Variants in DIAPH2 observed in about 807,000 individuals in gnomAD.
DIAPH2 encodes protein diaphanous homolog 2.
In DIAPH2, 35 loss-of-function variants were observed where a neutral mutation model predicts 92.7. The observed-to-expected ratio is 0.38, with a 90% CI of 0.29 to 0.50. The LOEUF is 0.50. Among genes scored for constraint, DIAPH2 ranks in the 20% least tolerant of loss-of-function variants. The probability of loss-of-function intolerance (pLI) is 0.94; values close to 1 mark genes in which losing one functional copy is unlikely to be tolerated. For missense variants in DIAPH2, 701 were observed against 819.5 expected (o/e 0.86, Z 1.77); for synonymous variants, 301 against 280.4 (o/e 1.07, Z -0.73).
chrX:97,275,566 C>T (rs1462851141), intron 23 of DIAPH2, among the ~76,000 whole-genome samples: 16 of 99,290 alleles, frequency 1.6e-4, no homozygotes, highest in East Asian at 3.6e-4. Flanking sequence ...TCAGACGGGG[C>T]GGCTGCCGGG....
chrX:97,252,635 C>G (rs771690706), intron 23 of DIAPH2, among the ~76,000 whole-genome samples: 13 of 111,783 alleles, frequency 1.2e-4, no homozygotes, highest in Admixed American at 3.8e-4. Flanking sequence ...AGATGATAAT[C>G]CACACTTTGT....
At chrX:97,447,429 T>G (rs1257050092) in intron 26 of DIAPH2, among the ~76,000 whole-genome samples, 1 of 111,831 alleles carries the variant, frequency 8.9e-6, no homozygotes, top group Non-Finnish European at 1.9e-5. Context: ...TTTTTCTCAA[T>G]GATGTGAATG....
chrX:97,587,088 C>T (rs1029107772), intron 26 of DIAPH2, among the ~76,000 whole-genome samples: 2 of 112,090 alleles, frequency 1.8e-5, no homozygotes, highest in Non-Finnish European at 3.8e-5. Context: ...CTGTGCCAGG[C>T]ACATAGTCAA....
intron 25 of DIAPH2, among the ~76,000 whole-genome samples, chrX:97,409,815 G>A (rs926983866): frequency 8.9e-6 from 1 of 112,761 alleles, no homozygotes; most frequent in Non-Finnish European, 1.9e-5. Context: ...AGCCTGGCAG[G>A]GGGTGAGGTG....
In DIAPH2 at chrX:97,452,298, G is replaced by A. The variant is rs749660292; in HGVS notation, c.3241+22553G>A. On this transcript the variant is annotated intron_variant, in intron 26 of 26. Transcript: ENST00000324765. ...AGAGACAAATGTATTTTTAAGTCTT[G>A]TGATTAGAGGGGGCCACAGCCATCA... is the stretch of plus-strand genomic sequence containing the variant. Among the ~76,000 whole-genome samples, 7 of 111,546 alleles carry A rather than the reference G, an allele frequency of 6.3e-5. No homozygotes were observed. The East Asian group carries it at 2.0e-3, about 31-fold the overall frequency.
intron 23 of DIAPH2, among the ~76,000 whole-genome samples, chrX:97,288,254 C>A (rs1315464650): frequency 1.8e-5 from 2 of 111,256 alleles, no homozygotes; most frequent in East Asian, 2.8e-4. Flanking sequence ...CCTGCAGTCA[C>A]CCTAGTATAA....
intron 11 of DIAPH2, among the ~76,000 whole-genome samples, chrX:96,939,046 C>G (rs2065676414): frequency 9.0e-6 from 1 of 111,358 alleles, no homozygotes; most frequent in Admixed American, 9.5e-5. Flanking sequence ...GTCAAATGGT[C>G]TTGGACATGC....
At chrX:97,405,307 C>T (rs1416552468) in intron 25 of DIAPH2, among the ~76,000 whole-genome samples, 1 of 112,315 alleles carries the variant, frequency 8.9e-6, no homozygotes, top group African/African-American at 3.2e-5. Flanking sequence ...TCCCTCGCAT[C>T]CCTATGCTGG....
At position 97,358,761 on chromosome X, in the gene DIAPH2, A is replaced by C. The variant is rs1462864735; in HGVS notation, c.3009+10481A>C. On this transcript the variant is annotated intron_variant, in intron 24 of 26. Coordinates refer to ENST00000324765, the MANE Select transcript of DIAPH2 (RefSeq NM_006729.5). ...AAATTAGAAAATATAAATACCAAAAAGAAAAAAAACTGTCGACTGCAATTC... is the reference window on the plus strand; with the variant it reads ...AAATTAGAAAATATAAATACCAAAACGAAAAAAAACTGTCGACTGCAATTC... Among the ~76,000 whole-genome samples, 17 of 111,443 alleles carry C rather than the reference A, an allele frequency of 1.5e-4. No individual in the cohort carries two copies. In the Admixed American group the frequency reaches 1.6e-3, roughly 11 times the overall value.
At chrX:96,722,130 C>T (rs970873904) in intron 1 of DIAPH2, among the ~76,000 whole-genome samples, 3 of 111,495 alleles carry the variant, frequency 2.7e-5, no homozygotes, top group Non-Finnish European at 1.9e-5. Flanking sequence ...CCAAGGAGGG[C>T]GGATCACCTG....
At chrX:96,857,447 A>C (rs1332756687) in intron 4 of DIAPH2, among the ~76,000 whole-genome samples, 1 of 112,538 alleles carries the variant, frequency 8.9e-6, no homozygotes, top group Non-Finnish European at 1.9e-5. Flanking sequence ...GAGTGTTTCA[A>C]AATATTATTT....
intron 17 of DIAPH2, among the ~76,000 whole-genome samples, chrX:97,052,124 T>A (rs1254776443): frequency 9.0e-6 from 1 of 111,227 alleles, no homozygotes; most frequent in Admixed American, 9.6e-5. Flanking sequence ...ATGAAAGTCC[T>A]AAAAGTGAAA....
intron 22 of DIAPH2, among the ~76,000 whole-genome samples, chrX:97,234,625 C>T (rs1038640919): frequency 4.5e-5 from 5 of 112,031 alleles, no homozygotes; most frequent in African/African-American, 1.6e-4. Context: ...AATATGTAAA[C>T]GATGGACCTG....
chrX:97,290,455 G>A (rs1602482393), intron 23 of DIAPH2, among the ~76,000 whole-genome samples: 2 of 112,000 alleles, frequency 1.8e-5, no homozygotes, highest in African/African-American at 6.5e-5. Flanking sequence ...CATCATGACT[G>A]GTTACATAAC....
intron 4 of DIAPH2, among the ~76,000 whole-genome samples, chrX:96,790,300 A>G (rs2064490681): frequency 9.1e-6 from 1 of 109,794 alleles, no homozygotes; most frequent in African/African-American, 3.3e-5. Flanking sequence ...CAAACTCCCA[A>G]CCTCAGGTGA....
chrX:96,939,223 G>A, intron 11 of DIAPH2, 43 bp from the exon 12 acceptor site: 1 of 581,490 alleles, frequency 1.7e-6, no homozygotes, highest in South Asian at 2.6e-5. Context: ...TTATGAATGA[G>A]ACTTCCATCA....
intron 4 of DIAPH2, among the ~76,000 whole-genome samples, chrX:96,860,398 A>C (rs2065066481): frequency 8.9e-6 from 1 of 111,784 alleles, no homozygotes; most frequent in Admixed American, 9.5e-5. Context: ...TTAACATACC[A>C]ATTGAGAAAT....
chrX:97,551,269 G>T (rs1353589751), intron 26 of DIAPH2, among the ~76,000 whole-genome samples: 1 of 111,304 alleles, frequency 9.0e-6, no homozygotes, highest in Non-Finnish European at 1.9e-5. Context: ...TCACTTCCTG[G>T]TTGTAGTCTG....
In DIAPH2 at chrX:97,263,192, G is replaced by A. The variant is rs2068303313; in HGVS notation, c.2844+15353G>A. The stretch of plus-strand genomic sequence containing the variant: ...TAGATTTTTTTCCTCTATCATAGCT[G>A]ACTATTTCCAGATCAATCAAAATGT... On this transcript the variant is annotated intron_variant, in intron 23 of 26. Coordinates refer to ENST00000324765, the MANE Select transcript of DIAPH2 (RefSeq NM_006729.5). Among the ~76,000 whole-genome samples the A allele has an allele frequency of 2.7e-5, 3 of 111,749 alleles. No homozygotes were observed. In the Admixed American group the frequency reaches 2.9e-4, roughly 11 times the overall value.
Sources: allele counts gnomAD v4.1 joint callset (sites outside exome capture counted in the v4.1 genomes callset), GRCh38; gene constraint gnomAD v4.1.1; transcripts MANE v1.5; gene names NCBI Gene and HGNC (gene_info 2026-07-23, HGNC 2026-07-21).